MUSK: variants seen among roughly 807,000 people sequenced by gnomAD.
MUSK encodes muscle, skeletal receptor tyrosine-protein kinase.
Under a neutral mutation model 88.7 loss-of-function variants are expected in MUSK, and 55 were observed. The ratio of observed to expected loss-of-function variants is 0.62; its 90% CI spans 0.50 to 0.78. The LOEUF (loss-of-function observed/expected upper bound fraction) is 0.78. Among genes scored for constraint, MUSK ranks in the 30% least tolerant of loss-of-function variants. The pLI is 0.00. For synonymous variants in MUSK, 387 were observed against 391.9 expected (o/e 0.99, Z 0.15); for missense variants, 1,015 against 1,074.3 (o/e 0.94, Z 0.77).
At chr9:110,703,406 T>G (rs1179382513) in intron 5 of MUSK, among the ~76,000 whole-genome samples, 1 of 151,980 alleles carries the variant, frequency 6.6e-6, no homozygotes, top group Non-Finnish European at 1.5e-5. Context: ...GGTGCACGCC[T>G]GTAGTTCCAG....
intron 6 of MUSK, 93 bp downstream of exon 6, chr9:110,734,468 G>A: frequency 6.6e-7 from 1 of 1,523,812 alleles, no homozygotes. Context: ...CCAGATCTCT[G>A]TCATTGGTCT....
intron 5 of MUSK, among the ~76,000 whole-genome samples, chr9:110,701,471 T>G (rs1260245323): frequency 6.6e-6 from 1 of 151,998 alleles, no homozygotes; most frequent in African/African-American, 2.4e-5. Context: ...TTCTTTTCTT[T>G]CTTTCCGTCT....
Position 110,668,922 on chromosome 9 carries a change from C to A in MUSK, c.18C>A (p.Asn6Lys). MRELV[N>K]IPLVHILTLV... ...GATTAATCATGAGAGAGCTCGTCAA[C>A]ATTCCACTGGTACATATTCTTACTC... is the stretch of plus-strand genomic sequence containing the variant. The change falls in exon 1 of 15, where the codon AAC (asparagine) becomes AAA (lysine). Residue 6 changes from asparagine to lysine, a missense_variant. By Grantham distance (94) the Asn-to-Lys change is moderately conservative. Coordinates refer to ENST00000374448, the MANE Select transcript of MUSK (RefSeq NM_005592.4). 1 of 1,613,772 alleles carries A rather than the reference C, an allele frequency of 6.2e-7. No homozygotes were observed. Among genetic ancestry groups the A allele is most frequent in the Non-Finnish European group, 8.5e-7 (1 of 1,179,690 alleles).
In MUSK at chr9:110,743,260, G is replaced by A. The variant is rs149962426; in HGVS notation, c.754-4381G>A. 3.2e-3 allele frequency among the ~76,000 whole-genome samples: 484 copies of A among 152,226 alleles called. 3 individuals are homozygous for A. The highest frequency in any genetic ancestry group is 0.01 in the African/African-American group (427 of 41,548). ...AAAGAGCAGGAGAAAGTCCAGCAAC[G>A]TGTCCCAAAGTGATTAGAAACTATC... On this transcript the variant is annotated intron_variant, in intron 6 of 14. Coordinates refer to ENST00000374448, the MANE Select transcript of MUSK (RefSeq NM_005592.4).
Position 110,739,407 on chromosome 9 carries a change from C to A in MUSK, c.753+5032C>A, listed in dbSNP as rs560685731. Among the ~76,000 whole-genome samples, 4 of 152,234 alleles carry A rather than the reference C, an allele frequency of 2.6e-5. No individual in the cohort carries two copies. In the East Asian group the frequency reaches 7.7e-4, roughly 29 times the overall value. On this transcript the variant is annotated intron_variant, in intron 6 of 14. Transcript: ENST00000374448. ...CTAACCTTGGTGTCCAGAGTTTTTA[C>A]TGGAGCTCAGTTACATAGATGTGGA...
chr9:110,766,901 G>A (rs1474821057), intron 8 of MUSK, among the ~76,000 whole-genome samples: 1 of 152,208 alleles, frequency 6.6e-6, no homozygotes, highest in Non-Finnish European at 1.5e-5. Flanking sequence ...TGTTTGTCAG[G>A]TGAGAATATG....
chr9:110,782,059 T>G (rs2077769316), intron 11 of MUSK, among the ~76,000 whole-genome samples: 1 of 152,246 alleles, frequency 6.6e-6, no homozygotes, highest in African/African-American at 2.4e-5. Context: ...TTTGTTTTAT[T>G]TCTCCATTTA....
Position 110,775,713 on chromosome 9 carries a change from G to C in MUSK, c.1185-75G>C, listed in dbSNP as rs1321823220. On this transcript the variant is annotated intron_variant, in intron 9 of 14. Transcript: ENST00000374448. ...ACCATGATGATGTCTTGAAAACACA[G>C]AATTTAGGCTCTGCCACAAATTTGC... 3.6e-6 allele frequency: 5 copies of C among 1,385,426 alleles called. No homozygotes were observed. In the East Asian group the frequency reaches 9.1e-5, roughly 25 times the overall value. The allele number at this position is 1,385,426 out of a possible 1,614,324, so 85.8% of individuals were successfully genotyped here.
chr9:110,671,076 ATAC>A (rs2075951049), intron 1 of MUSK, among the ~76,000 whole-genome samples: 1 of 152,100 alleles, frequency 6.6e-6, no homozygotes, highest in African/African-American at 2.4e-5. Flanking sequence ...GGTTCAAGCT[ATAC>A]TCCTGCCTCA....
chr9:110,715,588 G>A (rs1008994747), intron 5 of MUSK, among the ~76,000 whole-genome samples: 1 of 148,426 alleles, frequency 6.7e-6, no homozygotes, highest in Non-Finnish European at 1.5e-5. Flanking sequence ...TGACTATAAG[G>A]AAAATGATAA....
chr9:110,673,851 T>G (rs913524190), intron 1 of MUSK, among the ~76,000 whole-genome samples: 3 of 152,182 alleles, frequency 2.0e-5, no homozygotes, highest in Admixed American at 1.3e-4. Flanking sequence ...ACAGAAGAAG[T>G]CATCCATACT....
intron 2 of MUSK, 98 bp from the exon 3 acceptor site, chr9:110,687,019 C>A: frequency 1.6e-6 from 2 of 1,214,790 alleles, no homozygotes; most frequent in Non-Finnish European, 2.3e-6. Context: ...CACCTTTATT[C>A]TACTTCCTCA....
chr9:110,696,934 G>A (rs1055109686), intron 4 of MUSK, among the ~76,000 whole-genome samples: 9 of 151,310 alleles, frequency 5.9e-5, no homozygotes, highest in African/African-American at 2.2e-4. Context: ...AGTTTTGTAT[G>A]TCTCACCACC....
At position 110,694,081 on chromosome 9, in the gene MUSK, A is replaced by T. The variant is rs190604703; in HGVS notation, c.359-1322A>T. Among the ~76,000 whole-genome samples, 70 of 152,048 alleles carry T rather than the reference A, an allele frequency of 4.6e-4. 1 individual carries two copies. Among genetic ancestry groups the T allele is most frequent in the African/African-American group, 1.6e-3 (67 of 41,490 alleles). On this transcript the variant is annotated intron_variant, in intron 3 of 14. Transcript: ENST00000374448. ...CCGCAGGAACTCTAAATGACAGTGA[A>T]TGCTTAGATTAAAAACCAACAGGTC...
At chr9:110,779,568 A>G (rs753428331) in intron 11 of MUSK, among the ~76,000 whole-genome samples, 36 of 152,168 alleles carry the variant, frequency 2.4e-4, no homozygotes, top group Non-Finnish European at 4.6e-4. Context: ...AAGCTTGAGA[A>G]TATCCAGAAC....
chr9:110,754,695 T>C (rs1309266549), intron 7 of MUSK, among the ~76,000 whole-genome samples: 1 of 152,264 alleles, frequency 6.6e-6, no homozygotes, highest in Admixed American at 6.5e-5. Flanking sequence ...AATCTGCCTT[T>C]GTATTTCCAA....
intron 11 of MUSK, among the ~76,000 whole-genome samples, chr9:110,783,492 A>C (rs887354464): frequency 3.9e-5 from 6 of 152,128 alleles, no homozygotes; most frequent in Non-Finnish European, 7.4e-5. Flanking sequence ...GGTGTGAAAT[A>C]TAATAATTAC....
chr9:110,687,847 C>A (rs1007728167), intron 3 of MUSK, among the ~76,000 whole-genome samples: 1 of 152,160 alleles, frequency 6.6e-6, no homozygotes, highest in African/African-American at 2.4e-5. Flanking sequence ...TTCTTCCACC[C>A]TGAATTCTTT....
At chr9:110,686,403 C>T (rs964278398) in intron 2 of MUSK, among the ~76,000 whole-genome samples, 3 of 152,066 alleles carry the variant, frequency 2.0e-5, no homozygotes, top group Non-Finnish European at 4.4e-5. Context: ...ACAAGAACCT[C>T]TGTGGGAGTG....
Sources: allele counts gnomAD v4.1 joint callset (sites outside exome capture counted in the v4.1 genomes callset), GRCh38; gene constraint gnomAD v4.1.1; transcripts MANE v1.5; gene names NCBI Gene and HGNC (gene_info 2026-07-23, HGNC 2026-07-21).